Variants in SRCAP observed in about 807,000 individuals in gnomAD.
SRCAP encodes the protein Snf2 related CREBBP activator protein, also known as chromatin remodeling protein SRCAP.
In SRCAP, 46 loss-of-function variants were observed where a neutral mutation model predicts 263.1. The observed-to-expected ratio is 0.17, with a 90% CI of 0.14 to 0.22. SRCAP has a LOEUF of 0.22. Among genes scored for constraint, SRCAP ranks in the 10% least tolerant of loss-of-function variants. The probability of loss-of-function intolerance (pLI) is 1.00; values close to 1 mark genes in which losing one functional copy is unlikely to be tolerated. For synonymous variants in SRCAP, 1,813 were observed against 1,662.1 expected (o/e 1.09, Z -2.21); for missense variants, 3,695 against 4,181.9 (o/e 0.88, Z 3.21).
intron 30 of SRCAP, 59 bp downstream of exon 30, chr16:30,734,067 C>T (rs2053136925): frequency 4.2e-6 from 6 of 1,430,112 alleles, no homozygotes; most frequent in South Asian, 3.8e-5. Flanking sequence ...TCAGGAGTTC[C>T]TCCTGTTTAT....
rs779239588 is a variant in SRCAP, at chr16:30,716,202, C to A, written c.2630C>A (p.Thr877Lys). 8.7e-6 allele frequency: 14 copies of A among 1,614,024 alleles called. No individual in the cohort carries two copies. The highest frequency in any genetic ancestry group is 1.2e-5 in the Non-Finnish European group (14 of 1,179,950). ...CLYDDFMAQT[T>K]TKETLATGHF... ...TATGATGACTTCATGGCACAGACCA[C>A]GTAAGGGAGGAAGGAGGGTGGGCCC... The change falls in exon 17 of 34, where the codon ACA becomes AAA. Residue 877 changes from threonine to lysine, a missense_variant and splice_region_variant. By Grantham distance (78) the Thr-to-Lys change is moderately conservative (BLOSUM62 -1). Coordinates refer to ENST00000262518, the MANE Select transcript of SRCAP (RefSeq NM_006662.3).
intron 2 of SRCAP, 113 bp from the exon 3 acceptor site, chr16:30,700,503 C>A: frequency 4.0e-6 from 1 of 249,238 alleles, no homozygotes; most frequent in South Asian, 7.4e-5. Context: ...GAAATGTAAC[C>A]TGTAATTTCT....
rs926884468 is a variant in SRCAP, at chr16:30,739,512, C to G, written c.9472C>G (p.Gln3158Glu). ...SPGLAKRGRLQPPSPLGPEGS... is the reference protein window; with the variant it reads ...SPGLAKRGRLEPPSPLGPEGS... ...TGGGCTGGCAAAGCGGGGCCGCCTA[C>G]AGCCCCCAAGTCCCCTGGGGCCTGA... Residue 3158 changes from glutamine (Q) to glutamate (E), a missense_variant, in exon 34 of 34, where the codon CAG becomes GAG. This residue lies in a region of SRCAP where 1,207 missense variants were observed against 1,142.9 expected (regional missense o/e 1.06). Coordinates refer to ENST00000262518, the MANE Select transcript of SRCAP (RefSeq NM_006662.3). 6.2e-7 allele frequency: 1 copy of G among 1,612,888 alleles called. No homozygotes were observed. Among genetic ancestry groups the G allele is most frequent in the African/African-American group, 1.3e-5 (1 of 74,930 alleles).
At chr16:30,710,399 C>T (rs1432957839) in intron 8 of SRCAP, 2 of 633,992 alleles carry the variant, frequency 3.2e-6, no homozygotes, top group Non-Finnish European at 2.8e-6. Flanking sequence ...CTGACCGTTA[C>T]TTGCCACTTC....
rs774360935 is a variant in SRCAP, at chr16:30,738,767, A to G, written c.8727A>G (p.Glu2909=). The change falls in exon 34 of 34, where the codon GAA becomes GAG. Residue 2909 remains glutamate, a synonymous_variant. Transcript: ENST00000262518. The stretch of plus-strand genomic sequence containing the variant: ...TAATTGTTGCAGATCCTGTCCTGGA[A>G]CCACAGCTTATTCCTGGGCCCCAGC... ...ETLIVADPVL[E]PQLIPGPQPL... The G allele has an allele frequency of 8.1e-6, 13 of 1,613,930 alleles. No homozygotes were observed. The highest frequency in any genetic ancestry group is 1.7e-5 in the Admixed American group (1 of 59,984).
chr16:30,701,452 T>C (rs1490401529), intron 3 of SRCAP: 2 of 152,318 alleles, frequency 1.3e-5, no homozygotes, highest in East Asian at 3.9e-4. Context: ...AAGCTTTTCA[T>C]GTTTGTAAAG....
intron 3 of SRCAP, among the ~76,000 whole-genome samples, chr16:30,701,636 C>CTTTTT (rs35698444): frequency 1.5e-5 from 2 of 136,760 alleles, no homozygotes; most frequent in Admixed American, 7.3e-5. Context: ...TTTTTCTTTT[C>CTTTTT]TTTTTTTTTT....
chr16:30,720,446 G>A, intron 19 of SRCAP, 115 bp downstream of exon 19: 1 of 1,282,152 alleles, frequency 7.8e-7, no homozygotes, highest in Middle Eastern at 2.8e-4. Flanking sequence ...ATTTATATGG[G>A]ATGGGTGCAA....
Position 30,721,239 on chromosome 16 carries a change from C to A in SRCAP, c.3304C>A (p.Pro1102Thr). The part of the protein sequence containing the change: ...VLSGTSRPPT[P>T]TLSLKPTPPA... The stretch of plus-strand genomic sequence containing the variant: ...GAGTGGGACCTCACGGCCTCCCACG[C>A]CAACCTTGTCCCTAAAGCCAACACC... Residue 1102 changes from proline to threonine, a missense_variant, in exon 21 of 34, where the codon CCA (proline) becomes ACA (threonine). This residue lies in a region of SRCAP where 1,347 missense variants were observed against 1,304.4 expected (regional missense o/e 1.03). Transcript: ENST00000262518. 1 of 1,613,960 alleles carries A rather than the reference C, an allele frequency of 6.2e-7. No individual in the cohort carries two copies.
chr16:30,733,415 G>A lies in SRCAP; in HGVS notation c.6263G>A (p.Arg2088His). ...ACCTACCATGGCCATCTCTACCTGC[G>A]CCTGGATGGATCTACTAGAGTTGAA... ...FLTYHGHLYL[R>H]LDGSTRVEQR... is the part of the protein sequence containing the mutation. The change falls in exon 28 of 34, where the codon CGC becomes CAC. Residue 2088 changes from arginine (R) to histidine (H), a missense_variant. Coordinates refer to ENST00000262518, the MANE Select transcript of SRCAP (RefSeq NM_006662.3). The surrounding 1 kb of genome is among the most constrained non-coding windows in gnomAD (Gnocchi z 5.3). 2 of 1,614,070 alleles carry A rather than the reference G, an allele frequency of 1.2e-6. No individual in the cohort carries two copies. The highest frequency in any genetic ancestry group is 1.7e-6 in the Non-Finnish European group (2 of 1,180,020).
intron 17 of SRCAP, 44 bp from the exon 18 acceptor site, chr16:30,716,249 A>G (rs1208490497): frequency 6.2e-7 from 1 of 1,613,552 alleles, no homozygotes; most frequent in South Asian, 1.1e-5. Flanking sequence ...ATTGGAGTGT[A>G]GGTGGCTGTT....
rs762767147 is a variant in SRCAP at position 30,738,247 on chromosome 16, G to A, written c.8207G>A (p.Gly2736Asp). ...ADVEIRGQGT[G>D]RPGQPPGPKV... is the part of the protein sequence containing the mutation. ...GTGGAAATTAGGGGTCAAGGGACTG[G>A]TCGGCCAGGACAACCACCAGGCCCC... is the stretch of plus-strand genomic sequence containing the variant. Residue 2736 changes from glycine to aspartate, a missense_variant, in exon 34 of 34, where the codon GGT becomes GAT. Physicochemically the swap from Gly to Asp is moderately conservative, Grantham distance 94 (BLOSUM62 -1). Transcript: ENST00000262518. The A allele has an allele frequency of 1.2e-6, 2 of 1,613,452 alleles. No homozygotes were observed.
At chr16:30,718,207 G>A (rs947046260) in intron 18 of SRCAP, among the ~76,000 whole-genome samples, 1 of 151,778 alleles carries the variant, frequency 6.6e-6, no homozygotes, top group Admixed American at 6.6e-5. Flanking sequence ...GCAGAGTTCT[G>A]CTCTTGTTGC....
At position 30,722,981 on chromosome 16, in the gene SRCAP, A is replaced by G. The variant is rs886051904; in HGVS notation, c.3911A>G (p.Asn1304Ser). 6 of 1,611,328 alleles carry G rather than the reference A, an allele frequency of 3.7e-6. No homozygotes were observed. The highest frequency in any genetic ancestry group is 5.1e-6 in the Non-Finnish European group (6 of 1,177,968). Residue 1304 changes from asparagine (N) to serine (S), a missense_variant, in exon 24 of 34, where the codon AAT becomes AGT. Asn to Ser is a conservative substitution (Grantham distance 46, BLOSUM62 1). This residue lies in a region of SRCAP where 1,347 missense variants were observed against 1,304.4 expected (regional missense o/e 1.03). Coordinates refer to ENST00000262518, the MANE Select transcript of SRCAP (RefSeq NM_006662.3). ...CTTGCAGTGCCACCAACCATGGTGA[A>G]TAATACAGGCGTGGTGAAGATTGTA... ...AANQVPPTMVNNTGVVKIVVR... is the reference protein window; with the variant it reads ...AANQVPPTMVSNTGVVKIVVR...
At position 30,737,763 on chromosome 16, in the gene SRCAP, T is replaced by G. The variant is rs368587038; in HGVS notation, c.7723T>G (p.Ser2575Ala). ...ELASVASSET[S>A]SLSLVPPKDL... is the part of the protein sequence containing the mutation. Reference sequence around the variant, plus strand: ...GGCTTCTGTGGCCAGTTCAGAAACCTCCTCACTTTCTCTTGTGCCCCCTAA... The same window carrying G: ...GGCTTCTGTGGCCAGTTCAGAAACCGCCTCACTTTCTCTTGTGCCCCCTAA... The change falls in exon 34 of 34, where the codon TCC (serine) becomes GCC (alanine). Residue 2575 changes from serine (S) to alanine (A), a missense_variant. Ser to Ala is a moderately conservative substitution (Grantham distance 99). This residue lies in a region of SRCAP where 1,207 missense variants were observed against 1,142.9 expected (regional missense o/e 1.06). Coordinates refer to ENST00000262518, the MANE Select transcript of SRCAP (RefSeq NM_006662.3). 6.2e-7 allele frequency: 1 copy of G among 1,613,894 alleles called. No homozygotes were observed. Among genetic ancestry groups the G allele is most frequent in the Non-Finnish European group, 8.5e-7 (1 of 1,179,898 alleles).
In SRCAP at chr16:30,733,523, G is replaced by A; in HGVS notation, c.6297+74G>A. Reference sequence around the variant, plus strand: ...CCTTTTCCCAGGATTTGGGCTTCCAGACGGGGTGCCACTAAGCCTTTAGAC... The same window carrying A: ...CCTTTTCCCAGGATTTGGGCTTCCAAACGGGGTGCCACTAAGCCTTTAGAC... On this transcript the variant is annotated intron_variant, in intron 28 of 33. Transcript: ENST00000262518. This position sits in a 1 kb window ranked among gnomAD's most constrained non-coding sequence, Gnocchi z 5.3. 6.2e-7 allele frequency: 1 copy of A among 1,605,852 alleles called. No homozygotes were observed. Among genetic ancestry groups the A allele is most frequent in the Non-Finnish European group, 8.5e-7 (1 of 1,174,674 alleles).
intron 14 of SRCAP, 113 bp downstream of exon 14, chr16:30,712,928 A>G (rs1596648270): frequency 3.7e-6 from 5 of 1,368,072 alleles, no homozygotes; most frequent in Middle Eastern, 2.7e-4. Context: ...AAATTTTTTA[A>G]TTTTTTGTAA....
Position 30,736,908 on chromosome 16 carries a change from A to T in SRCAP, c.7009-141A>T, listed in dbSNP as rs960524361. On this transcript the variant is annotated intron_variant, in intron 33 of 33. Coordinates refer to ENST00000262518, the MANE Select transcript of SRCAP (RefSeq NM_006662.3). ...AGGCTGGTCTTGAACTCCTGACCTC[A>T]GGTGACCTGCTGGCCTTAACTTCCC... 13 of 961,640 alleles carry T rather than the reference A, an allele frequency of 1.4e-5. No homozygotes were observed. In the Admixed American group the frequency reaches 1.7e-4, roughly 13 times the overall value. 59.6% of individuals were successfully genotyped at this position (961,640 alleles called of 1,614,324 possible).
At position 30,720,748 on chromosome 16, in the gene SRCAP, CAGT is replaced by C. The variant is rs754762497; in HGVS notation, c.3024_3026del (p.Val1012del). ...CCAGTACCTAAGCAAGAAGGCCGGA[CAGT>C]GGTGGTGGTGAACAACCCACGGGCG... On this transcript the variant is annotated inframe_deletion, in exon 20 of 34. Coordinates refer to ENST00000262518, the MANE Select transcript of SRCAP (RefSeq NM_006662.3). 8 of 1,612,188 alleles carry C rather than the reference CAGT, an allele frequency of 5.0e-6. No homozygotes were observed. Among genetic ancestry groups the C allele is most frequent in the African/African-American group, 4.0e-5 (3 of 74,992 alleles).
Sources: allele counts gnomAD v4.1 joint callset (sites outside exome capture counted in the v4.1 genomes callset), GRCh38; gene constraint gnomAD v4.1.1; regional missense constraint gnomAD v4.1.1; non-coding constraint Gnocchi (gnomAD v3.1); transcripts MANE v1.5; gene names NCBI Gene and HGNC (gene_info 2026-07-23, HGNC 2026-07-21).